The following ERG variants were observed in gnomAD, a reference collection of about 807,000 sequenced individuals.
ERG encodes the protein transcriptional regulator ERG.
ERG carries 9 observed loss-of-function variants against 55.3 expected under a neutral mutation model. The ratio of observed to expected loss-of-function variants is 0.16; its 90% CI spans 0.10 to 0.28. The LOEUF is 0.28. ERG is among the 10% of genes least tolerant of loss of function. The pLI is 1.00. For missense variants in ERG, 434 were observed against 631.6 expected (o/e 0.69, Z 3.35); for synonymous variants, 223 against 237.3 (o/e 0.94, Z 0.55).
intron 2 of ERG, among the ~76,000 whole-genome samples, chr21:38,439,017 G>A (rs2058816783): frequency 6.6e-6 from 1 of 152,196 alleles, no homozygotes; most frequent in Admixed American, 6.5e-5. Flanking sequence ...ACCACACCGG[G>A]GGAACCCTCA....
At chr21:38,369,676 A>T in the ERG span, among the ~76,000 whole-genome samples, 1 of 152,086 alleles carries the variant, frequency 6.6e-6, no homozygotes, top group Non-Finnish European at 1.5e-5. Context: ...TGGCATCTTC[A>T]TCATGAAACC....
chr21:38,479,377 G>T (rs2059217003), intron 1 of ERG, among the ~76,000 whole-genome samples: 1 of 152,140 alleles, frequency 6.6e-6, no homozygotes, highest in African/African-American at 2.4e-5. Context: ...CCCACCTGTA[G>T]CTGGCTAAGT....
At chr21:38,476,358 C>G (rs1234808040) in intron 1 of ERG, among the ~76,000 whole-genome samples, 1 of 152,196 alleles carries the variant, frequency 6.6e-6, no homozygotes, top group Non-Finnish European at 1.5e-5. Flanking sequence ...GTCCCATTGT[C>G]TCCACGTTTA....
chr21:38,424,774 G>C (rs1283727148), intron 2 of ERG, among the ~76,000 whole-genome samples: 3 of 152,304 alleles, frequency 2.0e-5, no homozygotes, highest in Non-Finnish European at 2.9e-5. Context: ...CCAGGCTTAG[G>C]TGTAGACAGG....
At chr21:38,661,021 GGAGGAGGAGGAA>G (rs1271629846) in intron 1 of ERG, among the ~76,000 whole-genome samples, 2 of 151,776 alleles carry the variant, frequency 1.3e-5, no homozygotes, top group Non-Finnish European at 2.9e-5. Context: ...AGGAGGAGGC[GGAGGAGGAGGAA>G]GAGGAGGAGG....
intron 2 of ERG, among the ~76,000 whole-genome samples, chr21:38,528,478 C>T (rs1171197776): frequency 4.8e-5 from 1 of 20,636 alleles, no homozygotes; most frequent in Admixed American, 9.6e-4. Flanking sequence ...GACGGAGTCT[C>T]GCTCTGTCGC....
chr21:38,410,407 G>C (rs953887006), intron 3 of ERG, among the ~76,000 whole-genome samples: 11 of 152,214 alleles, frequency 7.2e-5, no homozygotes, highest in Non-Finnish European at 1.2e-4. Context: ...AGGCTAAACA[G>C]AAGCCATCAC....
intron 1 of ERG, among the ~76,000 whole-genome samples, chr21:38,607,751 A>T (rs1244007878): frequency 6.6e-5 from 10 of 152,262 alleles, no homozygotes; most frequent in Non-Finnish European, 4.4e-5. Flanking sequence ...CATTGATACA[A>T]TTAAAGAGAT....
intron 1 of ERG, among the ~76,000 whole-genome samples, chr21:38,577,772 G>A (rs1048095445): frequency 6.6e-6 from 1 of 152,196 alleles, no homozygotes; most frequent in African/African-American, 2.4e-5. Context: ...ACCCTGCTCT[G>A]GGGAGCACAT....
At chr21:38,656,348 T>C (rs760158835) in intron 1 of ERG, among the ~76,000 whole-genome samples, 1 of 152,152 alleles carries the variant, frequency 6.6e-6, no homozygotes, top group Non-Finnish European at 1.5e-5. Context: ...TTTCAATCAA[T>C]TTATTAAACT....
At chr21:38,455,422 C>T (rs1339783470) in intron 1 of ERG, among the ~76,000 whole-genome samples, 2 of 152,104 alleles carry the variant, frequency 1.3e-5, no homozygotes, top group Non-Finnish European at 2.9e-5. Flanking sequence ...AAGTTGCTTG[C>T]ACTTTTTTTC....
At chr21:38,480,688 T>C (rs554674729) in intron 1 of ERG, among the ~76,000 whole-genome samples, 1 of 148,090 alleles carries the variant, frequency 6.8e-6, no homozygotes, top group East Asian at 2.1e-4. Context: ...CTGGTTGCAG[T>C]GGCCAAATAG....
intron 2 of ERG, among the ~76,000 whole-genome samples, chr21:38,525,350 C>T (rs969032516): frequency 2.0e-5 from 3 of 152,162 alleles, no homozygotes; most frequent in African/African-American, 7.2e-5. Context: ...TGTTAATGCC[C>T]ATGCTCTTTC....
chr21:38,483,711 A>T (rs568062954), intron 1 of ERG, among the ~76,000 whole-genome samples: 229 of 151,698 alleles, frequency 1.5e-3, no homozygotes, highest in African/African-American at 5.2e-3. Context: ...AAACAAACAA[A>T]AAATAGCCGG....
chr21:38,379,751 T>C (rs371537035), downstream of ERG, among the ~76,000 whole-genome samples: 16 of 152,358 alleles, frequency 1.1e-4, no homozygotes, highest in African/African-American at 2.6e-4. Context: ...AAATTTATTT[T>C]ATTTTTGAAT....
At chr21:38,544,043 G>C (rs1340690875) in intron 2 of ERG, among the ~76,000 whole-genome samples, 1 of 152,164 alleles carries the variant, frequency 6.6e-6, no homozygotes, top group Non-Finnish European at 1.5e-5. Flanking sequence ...CCCGGCCTGG[G>C]GAACACTATT....
rs116901073 is a variant in ERG at position 38,433,251 on chromosome 21, C to A, written c.237-9690G>T. ...CAGACAAAAAGTCCCCATGACGAGA[C>A]AGCCGAGTGGGAGTGCATCTGACTC... is the stretch of plus-strand genomic sequence containing the variant. On this transcript the variant is annotated intron_variant, in intron 2 of 9. Coordinates refer to ENST00000288319, the MANE Select transcript of ERG (RefSeq NM_182918.4). Among the ~76,000 whole-genome samples, 33 of 152,290 alleles carry A rather than the reference C, an allele frequency of 2.2e-4. No individual in the cohort carries two copies. In the East Asian group the frequency reaches 6.4e-3, roughly 29 times the overall value.
intron 2 of ERG, among the ~76,000 whole-genome samples, chr21:38,507,980 C>G (rs2059477523): frequency 3.1e-3 from 1 of 324 alleles, no homozygotes; most frequent in South Asian, 0.25. Context: ...CACACAGAGA[C>G]ACACAGACAC....
At chr21:38,456,709 G>T (rs764902193) in intron 1 of ERG, among the ~76,000 whole-genome samples, 2 of 152,182 alleles carry the variant, frequency 1.3e-5, no homozygotes, top group Non-Finnish European at 2.9e-5. Context: ...CCACTGTGAG[G>T]GTCCAATCCC....
Sources: allele counts gnomAD v4.1 joint callset (sites outside exome capture counted in the v4.1 genomes callset), GRCh38; gene constraint gnomAD v4.1.1; transcripts MANE v1.5; gene names NCBI Gene and HGNC (gene_info 2026-07-23, HGNC 2026-07-21).